Variants in DDX10 observed in about 807,000 individuals in gnomAD.
DDX10 encodes the protein probable ATP-dependent RNA helicase DDX10.
DDX10 carries 74 observed loss-of-function variants against 104.3 expected under a neutral mutation model. The ratio of observed to expected loss-of-function variants is 0.71; its 90% CI spans 0.59 to 0.86. The LOEUF (loss-of-function observed/expected upper bound fraction) is 0.86. Among genes scored for constraint, DDX10 ranks in the 40% least tolerant of loss-of-function variants. DDX10 has a pLI of 0.00. For missense variants in DDX10, 952 were observed against 1,040.0 expected (o/e 0.92, Z 1.16); for synonymous variants, 351 against 353.4 (o/e 0.99, Z 0.08).
chr11:108,758,235 G>A (rs956889994), intron 13 of DDX10, among the ~76,000 whole-genome samples: 19 of 151,904 alleles, frequency 1.3e-4, no homozygotes, highest in African/African-American at 4.4e-4. Flanking sequence ...ATGCTCAGTG[G>A]GTTTTCAGGG....
chr11:108,685,789 C>G (rs2094243096), intron 6 of DDX10, among the ~76,000 whole-genome samples: 1 of 152,134 alleles, frequency 6.6e-6, no homozygotes, highest in East Asian at 1.9e-4. Flanking sequence ...TTCCTAAAGA[C>G]TTCTGTTTCA....
At chr11:108,825,540 A>G (rs1400616553) in intron 13 of DDX10, among the ~76,000 whole-genome samples, 1 of 152,224 alleles carries the variant, frequency 6.6e-6, no homozygotes. Context: ...AAGTTTGAAC[A>G]CAGCTGAGAT....
At chr11:108,754,588 A>G (rs1393514013) in intron 13 of DDX10, among the ~76,000 whole-genome samples, 2 of 152,060 alleles carry the variant, frequency 1.3e-5, no homozygotes, top group African/African-American at 4.8e-5. Flanking sequence ...GAAAAGATGT[A>G]AGTGATTAAA....
At chr11:108,730,058 A>G (rs1426412212) in intron 13 of DDX10, 1 of 152,816 alleles carries the variant, frequency 6.5e-6, no homozygotes, top group African/African-American at 2.4e-5. Context: ...GGCAATTCAG[A>G]GTAAAAGCTT....
At chr11:108,811,007 A>G (rs1862172601) in intron 13 of DDX10, among the ~76,000 whole-genome samples, 1 of 152,164 alleles carries the variant, frequency 6.6e-6, no homozygotes, top group Non-Finnish European at 1.5e-5. Flanking sequence ...CTCCAGTGGA[A>G]TATAAACTCT....
intron 9 of DDX10, among the ~76,000 whole-genome samples, chr11:108,700,955 TAGTC>T (rs1443587100): frequency 2.6e-5 from 4 of 152,116 alleles, no homozygotes; most frequent in African/African-American, 9.7e-5. Context: ...TCCTTGTTCT[TAGTC>T]AGTGCTAGAA....
chr11:108,768,168 G>A (rs2094358469), intron 13 of DDX10, among the ~76,000 whole-genome samples: 1 of 152,200 alleles, frequency 6.6e-6, no homozygotes, highest in Admixed American at 6.5e-5. Context: ...TAGTGGTTAA[G>A]TTTTTGGAGA....
chr11:108,811,808 T>C (rs1206669682), intron 13 of DDX10, among the ~76,000 whole-genome samples: 1 of 150,336 alleles, frequency 6.7e-6, no homozygotes, highest in Non-Finnish European at 1.5e-5. Flanking sequence ...CAAGTGATTC[T>C]ATTGAATTTT....
At chr11:108,848,992 G>A (rs1862756999) in intron 15 of DDX10, among the ~76,000 whole-genome samples, 1 of 152,062 alleles carries the variant, frequency 6.6e-6, no homozygotes, top group Non-Finnish European at 1.5e-5. Context: ...ACATCAATTT[G>A]TTTTTCTCAT....
At chr11:108,675,839 G>T in intron 3 of DDX10, 113 bp downstream of exon 3, 1 of 1,357,100 alleles carries the variant, frequency 7.4e-7, no homozygotes. Context: ...TGATAGATTG[G>T]CTAGAATGCG....
chr11:108,931,491 G>C (rs1863974736), intron 17 of DDX10, among the ~76,000 whole-genome samples: 2 of 152,096 alleles, frequency 1.3e-5, no homozygotes, highest in Non-Finnish European at 2.9e-5. Flanking sequence ...TAATAACAGT[G>C]CTTGAATCAC....
intron 1 of DDX10, among the ~76,000 whole-genome samples, chr11:108,672,156 A>C (rs1398583083): frequency 1.3e-5 from 2 of 151,670 alleles, no homozygotes; most frequent in Non-Finnish European, 2.9e-5. Context: ...ATTCTTCTAA[A>C]CTTTCCCTCC....
chr11:108,871,036 A>G (rs1444959053), intron 16 of DDX10, among the ~76,000 whole-genome samples: 1 of 152,208 alleles, frequency 6.6e-6, no homozygotes, highest in African/African-American at 2.4e-5. Context: ...AGTAAAACAA[A>G]ATAAAGAGGG....
chr11:108,833,431 G>A (rs1240229424), intron 13 of DDX10, among the ~76,000 whole-genome samples: 7 of 152,178 alleles, frequency 4.6e-5, no homozygotes, highest in African/African-American at 1.4e-4. Flanking sequence ...CTTGGATGGC[G>A]CTGACATTTG....
chr11:108,728,531 T>TTTTTTAA (rs1434676471), intron 13 of DDX10, among the ~76,000 whole-genome samples: 1 of 127,826 alleles, frequency 7.8e-6, no homozygotes, highest in Admixed American at 8.5e-5. Flanking sequence ...TTTTTTTTTT[T>TTTTTTAA]AGAAATAGGG....
intron 17 of DDX10, among the ~76,000 whole-genome samples, chr11:108,931,707 A>G (rs1863977783): frequency 6.6e-6 from 1 of 152,230 alleles, no homozygotes; most frequent in Non-Finnish European, 1.5e-5. Flanking sequence ...TCCAGGCACC[A>G]TGAACTAGAT....
At chr11:108,868,745 G>A (rs1161111692) in intron 16 of DDX10, among the ~76,000 whole-genome samples, 1 of 151,950 alleles carries the variant, frequency 6.6e-6, no homozygotes, top group Non-Finnish European at 1.5e-5. Flanking sequence ...AATTTGTGTC[G>A]GTTGCTAACA....
Position 108,780,796 on chromosome 11 carries a change from A to G in DDX10, c.1965+57334A>G, listed in dbSNP as rs2094377124. ...GATAGTAAATAAAGGTACTTAATTT[A>G]CATAAGCCTATTAAATGAAATTCTC... On this transcript the variant is annotated intron_variant, in intron 13 of 17. Transcript: ENST00000322536. Among the ~76,000 whole-genome samples, 3 of 152,234 alleles carry G rather than the reference A, an allele frequency of 2.0e-5. No individual in the cohort carries two copies. The South Asian group carries it at 6.2e-4, about 31-fold the overall frequency.
intron 13 of DDX10, among the ~76,000 whole-genome samples, chr11:108,813,894 C>G (rs746084163): frequency 6.6e-6 from 1 of 152,038 alleles, no homozygotes; most frequent in Non-Finnish European, 1.5e-5. Flanking sequence ...TTTGGTCTTT[C>G]TGTTTCATTG....
Sources: gnomAD v4.1 joint callset for allele counts (sites outside exome capture counted in the v4.1 genomes callset) on GRCh38, gnomAD v4.1.1 for gene constraint, MANE v1.5 for transcripts, NCBI Gene and HGNC (gene_info 2026-07-23, HGNC 2026-07-21) for gene names.